Variants in NALF1 observed in about 807,000 individuals in gnomAD.
NALF1 encodes NALCN channel auxiliary factor 1.
A neutral mutation model predicts 48.4 loss-of-function variants in NALF1; 3 were observed. The ratio of observed to expected loss-of-function variants is 0.06; its 90% CI spans 0.03 to 0.16. The LOEUF (loss-of-function observed/expected upper bound fraction) is 0.16, where lower values mean the gene tolerates loss of function less well. NALF1 is among the 10% of genes least tolerant of loss of function. NALF1 has a pLI of 1.00. For synonymous variants in NALF1, 262 were observed against 245.7 expected (o/e 1.07, Z -0.62); for missense variants, 526 against 571.5 (o/e 0.92, Z 0.81).
At chr13:107,548,084 C>A (rs1431785498) in intron 1 of NALF1, among the ~76,000 whole-genome samples, 1 of 151,936 alleles carries the variant, frequency 6.6e-6, no homozygotes. Flanking sequence ...GGTATGAAAC[C>A]CAATATCCAA....
chr13:107,409,531 A>C (rs1053166917), intron 1 of NALF1, among the ~76,000 whole-genome samples: 2 of 152,164 alleles, frequency 1.3e-5, no homozygotes, highest in African/African-American at 4.8e-5. Flanking sequence ...GGGCTCAAAA[A>C]TCAGTGTGGG....
At chr13:107,185,378 C>T (rs968391322) in intron 2 of NALF1, among the ~76,000 whole-genome samples, 1 of 130,722 alleles carries the variant, frequency 7.6e-6, no homozygotes, top group African/African-American at 2.9e-5. Flanking sequence ...GTGTTATTCC[C>T]CCCACCCCCG....
chr13:107,646,928 T>C (rs7321743), intron 1 of NALF1, among the ~76,000 whole-genome samples: 41,046 of 151,872 alleles, frequency 0.27, 5,824 homozygotes, highest in Middle Eastern at 0.32. Flanking sequence ...TTAGTAAAGA[T>C]TTGACATCAC....
Position 107,740,989 on chromosome 13 carries a change from C to T in NALF1, c.915+124693G>A, listed in dbSNP as rs189382670. 8.5e-4 allele frequency among the ~76,000 whole-genome samples: 130 copies of T among 152,310 alleles called. 1 individual carries two copies. In the East Asian group the frequency reaches 0.02, roughly 23 times the overall value. On this transcript the variant is annotated intron_variant, in intron 1 of 2. Transcript: ENST00000375915. ...GGGGGCAGTGATCATGATGTTTATTCATTCATGTATTCATTTATTCAATAC... is the reference window on the plus strand; with the variant it reads ...GGGGGCAGTGATCATGATGTTTATTTATTCATGTATTCATTTATTCAATAC...
intron 1 of NALF1, among the ~76,000 whole-genome samples, chr13:107,601,269 C>G (rs955845808): frequency 1.3e-5 from 2 of 152,102 alleles, no homozygotes; most frequent in African/African-American, 4.8e-5. Flanking sequence ...TGACCAGGAT[C>G]GAGGTGGATT....
At chr13:107,617,333 T>A (rs1879406582) in intron 1 of NALF1, among the ~76,000 whole-genome samples, 1 of 152,132 alleles carries the variant, frequency 6.6e-6, no homozygotes, top group Non-Finnish European at 1.5e-5. Flanking sequence ...ATCTGTAGAT[T>A]TCATTCAACT....
intron 2 of NALF1, among the ~76,000 whole-genome samples, chr13:107,205,875 A>T (rs1267696207): frequency 1.3e-5 from 2 of 151,908 alleles, no homozygotes; most frequent in Non-Finnish European, 2.9e-5. Context: ...TCACTGTTAA[A>T]GGTAAGCAAT....
intron 1 of NALF1, among the ~76,000 whole-genome samples, chr13:107,386,173 T>C (rs1378229278): frequency 1.3e-5 from 2 of 152,208 alleles, no homozygotes; most frequent in Non-Finnish European, 2.9e-5. Flanking sequence ...AAACTTGGCA[T>C]TCAGGCTGAT....
At chr13:107,315,849 T>G (rs1438812528) in intron 1 of NALF1, among the ~76,000 whole-genome samples, 3 of 150,430 alleles carry the variant, frequency 2.0e-5, no homozygotes, top group Admixed American at 2.0e-4. Flanking sequence ...ATAAAAATGA[T>G]AAATGAATTG....
intron 1 of NALF1, among the ~76,000 whole-genome samples, chr13:107,703,832 T>C (rs1400457050): frequency 6.6e-6 from 1 of 152,192 alleles, no homozygotes; most frequent in African/African-American, 2.4e-5. Context: ...CCTACATTTC[T>C]TGCATTTTCT....
rs142581110 is a variant in NALF1 at position 107,840,682 on chromosome 13, T to C, written c.915+25000A>G. ...CTCGACAGTGAAGAGAGAATGTCTA[T>C]TGGGAAGCAGTTGTCAGTCTCTCAT... is the stretch of plus-strand genomic sequence containing the variant. On this transcript the variant is annotated intron_variant, in intron 1 of 2. Transcript: ENST00000375915. Among the ~76,000 whole-genome samples, 66 of 152,292 alleles carry C rather than the reference T, an allele frequency of 4.3e-4. No homozygotes were observed. In the East Asian group the frequency reaches 7.9e-3, roughly 18 times the overall value.
chr13:107,315,896 T>C (rs1281179237), intron 1 of NALF1, among the ~76,000 whole-genome samples: 1 of 149,946 alleles, frequency 6.7e-6, no homozygotes, highest in Non-Finnish European at 1.5e-5. Context: ...GATATATATA[T>C]ATATTTATTT....
intron 1 of NALF1, among the ~76,000 whole-genome samples, chr13:107,601,509 T>A (rs1878925727): frequency 1.3e-5 from 2 of 152,182 alleles, no homozygotes; most frequent in African/African-American, 4.8e-5. Context: ...CCAACCCAAA[T>A]GCAGTTAGAA....
At chr13:107,509,232 G>T (rs1002275701) in intron 1 of NALF1, among the ~76,000 whole-genome samples, 3 of 151,884 alleles carry the variant, frequency 2.0e-5, no homozygotes, top group Non-Finnish European at 4.4e-5. Context: ...ATATACAAAC[G>T]CATACATATG....
At chr13:107,295,839 T>A (rs758559169) in intron 1 of NALF1, among the ~76,000 whole-genome samples, 54 of 152,282 alleles carry the variant, frequency 3.5e-4, no homozygotes, top group African/African-American at 2.6e-4. Context: ...CTGATTATTT[T>A]AAAAAAACAC....
intron 1 of NALF1, among the ~76,000 whole-genome samples, chr13:107,753,451 C>T (rs1876996641): frequency 6.8e-6 from 1 of 147,468 alleles, no homozygotes; most frequent in African/African-American, 2.5e-5. Context: ...TGTTGTTGTA[C>T]CAATGTAAAT....
intron 1 of NALF1, among the ~76,000 whole-genome samples, chr13:107,399,088 T>G (rs182493700): frequency 6.6e-6 from 1 of 152,124 alleles, no homozygotes; most frequent in South Asian, 2.1e-4. Context: ...CTGTTATAGA[T>G]TGTGCGCACC....
intron 1 of NALF1, among the ~76,000 whole-genome samples, chr13:107,558,300 ATTAT>A (rs1877541068): frequency 6.6e-6 from 1 of 151,892 alleles, no homozygotes; most frequent in Non-Finnish European, 1.5e-5. Context: ...ATTGTACATT[ATTAT>A]TTATTCATTT....
At chr13:107,182,255 T>TGC (rs1879080813) in intron 2 of NALF1, among the ~76,000 whole-genome samples, 1 of 132,490 alleles carries the variant, frequency 7.5e-6, no homozygotes, top group African/African-American at 2.9e-5. Context: ...TGTGTGTCCG[T>TGC]GTGTGTGTGT....
Sources: gnomAD v4.1 joint callset for allele counts (sites outside exome capture counted in the v4.1 genomes callset) on GRCh38, gnomAD v4.1.1 for gene constraint, MANE v1.5 for transcripts, NCBI Gene and HGNC (gene_info 2026-07-23, HGNC 2026-07-21) for gene names.